Variants in GRAMD1B observed in about 807,000 individuals in gnomAD.
The protein encoded by GRAMD1B is GRAM domain containing 1B, also known as protein Aster-B.
A neutral mutation model predicts 99.7 loss-of-function variants in GRAMD1B; 37 were observed. The ratio of observed to expected loss-of-function variants is 0.37; its 90% CI spans 0.29 to 0.49. The LOEUF (loss-of-function observed/expected upper bound fraction) is 0.49, where lower values mean the gene tolerates loss of function less well. GRAMD1B is among the 20% of genes least tolerant of loss of function. The pLI is 0.98. For synonymous variants in GRAMD1B, 427 were observed against 387.6 expected (o/e 1.10, Z -1.19); for missense variants, 888 against 1,009.2 (o/e 0.88, Z 1.63).
At chr11:123,407,864 A>G (rs1284176843) in intron 1 of GRAMD1B, among the ~76,000 whole-genome samples, 1 of 152,208 alleles carries the variant, frequency 6.6e-6, no homozygotes, top group African/African-American at 2.4e-5. Flanking sequence ...TCAGCTCCCC[A>G]GGGGCTCACA....
chr11:123,416,220 G>C lies in GRAMD1B; in HGVS notation c.-176+57421G>C, dbSNP rs891367666. Reference sequence around the variant, plus strand: ...ACCAGTTGCTTCTCCTGTAATGAAAGGTGTAGAAAGATCCCCTGCTTGAAT... The same window carrying C: ...ACCAGTTGCTTCTCCTGTAATGAAACGTGTAGAAAGATCCCCTGCTTGAAT... On this transcript the variant is annotated intron_variant, in intron 1 of 20. Coordinates refer to the GRAMD1B transcript ENST00000638157. Among the ~76,000 whole-genome samples, 4 of 152,212 alleles carry C rather than the reference G, an allele frequency of 2.6e-5. No individual in the cohort carries two copies. In the East Asian group the frequency reaches 7.7e-4, roughly 29 times the overall value.
intron 7 of GRAMD1B, chr11:123,598,639 G>A (rs2136665645): frequency 2.3e-6 from 3 of 1,312,238 alleles, no homozygotes; most frequent in East Asian, 4.6e-5. Flanking sequence ...CCACATTTCA[G>A]TCCTAAAGCT....
chr11:123,358,815 C>A (rs544883525), intron 1 of GRAMD1B: 3 of 152,392 alleles, frequency 2.0e-5, no homozygotes, highest in African/African-American at 7.2e-5. Flanking sequence ...AACTTCCTGA[C>A]CTTCCTGAGC....
chr11:123,612,940 G>C (rs1953794480), intron 15 of GRAMD1B, 76 bp downstream of exon 15: 3 of 792,092 alleles, frequency 3.8e-6, no homozygotes, highest in Non-Finnish European at 6.4e-6. Flanking sequence ...CCATTCAGGG[G>C]AATGGTATTG....
At chr11:123,579,683 G>A (rs527372845) in intron 3 of GRAMD1B, among the ~76,000 whole-genome samples, 1 of 152,032 alleles carries the variant, frequency 6.6e-6, no homozygotes, top group Non-Finnish European at 1.5e-5. Flanking sequence ...GGCCTGACAG[G>A]GGCATCAGGC....
chr11:123,435,566 A>G (rs182848146), intron 1 of GRAMD1B: 2 of 661,780 alleles, frequency 3.0e-6, no homozygotes, highest in African/African-American at 1.8e-5. Context: ...CTAACTTTCC[A>G]GTGTTCACTG....
chr11:123,375,510 G>A (rs76705192), intron 1 of GRAMD1B, among the ~76,000 whole-genome samples: 1,768 of 152,286 alleles, frequency 0.012, 32 homozygotes, highest in African/African-American at 0.041. Flanking sequence ...GTACAAAAAA[G>A]CATAAGTTAC....
intron 11 of GRAMD1B, 56 bp from the exon 12 acceptor site, chr11:123,608,603 G>T: frequency 1.3e-6 from 2 of 1,558,234 alleles, no homozygotes; most frequent in Non-Finnish European, 1.7e-6. Flanking sequence ...GATGTCCCTG[G>T]GGCCCCCTCC....
intron 1 of GRAMD1B, among the ~76,000 whole-genome samples, chr11:123,422,221 G>A (rs1022202884): frequency 2.6e-5 from 4 of 152,204 alleles, no homozygotes; most frequent in Non-Finnish European, 5.9e-5. Flanking sequence ...GCGCAGTGCA[G>A]CAGGGTAGAG....
intron 2 of GRAMD1B, among the ~76,000 whole-genome samples, chr11:123,549,546 A>T (rs957369446): frequency 2.0e-5 from 3 of 152,100 alleles, no homozygotes; most frequent in Non-Finnish European, 2.9e-5. Flanking sequence ...AGTCTCAAAA[A>T]AAAAAGAATG....
chr11:123,426,971 C>T (rs1224250622), upstream of GRAMD1B, among the ~76,000 whole-genome samples: 1 of 152,178 alleles, frequency 6.6e-6, no homozygotes, highest in Non-Finnish European at 1.5e-5. Flanking sequence ...GTAATATGAC[C>T]TCCTTTCATT....
intron 1 of GRAMD1B, among the ~76,000 whole-genome samples, chr11:123,390,943 G>A (rs917876581): frequency 6.6e-6 from 1 of 152,142 alleles, no homozygotes; most frequent in Non-Finnish European, 1.5e-5. Context: ...ACTGAATGCA[G>A]CTTGCAACCC....
chr11:123,575,991 C>CA (rs1555080787), intron 2 of GRAMD1B, among the ~76,000 whole-genome samples: 2 of 151,526 alleles, frequency 1.3e-5, no homozygotes, highest in East Asian at 3.9e-4. Flanking sequence ...CTCTGGTCTC[C>CA]TTTTTTTTTC....
intron 1 of GRAMD1B, chr11:123,435,747 G>A (rs1313282491): frequency 1.5e-5 from 5 of 342,152 alleles, no homozygotes; most frequent in Non-Finnish European, 2.6e-5. Context: ...ATGAGTGTGG[G>A]AAAATTTCCA....
chr11:123,611,411 G>A (rs916455969), intron 14 of GRAMD1B, among the ~76,000 whole-genome samples: 6 of 152,146 alleles, frequency 3.9e-5, no homozygotes, highest in Non-Finnish European at 7.4e-5. Flanking sequence ...TCCAGCCTGG[G>A]AGACAGAGTA....
chr11:123,526,005 C>G, intron 2 of GRAMD1B: 1 of 684,752 alleles, frequency 1.5e-6, no homozygotes, highest in Non-Finnish European at 2.6e-6. Flanking sequence ...CTCCCTTTCT[C>G]TCTTTCTCTT....
chr11:123,483,169 G>A (rs1381481088), intron 2 of GRAMD1B, among the ~76,000 whole-genome samples: 1 of 152,118 alleles, frequency 6.6e-6, no homozygotes, highest in Non-Finnish European at 1.5e-5. Context: ...GGATAAGAAA[G>A]CACTCTTCCA....
chr11:123,586,406 G>A (rs987634085), intron 4 of GRAMD1B, among the ~76,000 whole-genome samples: 5 of 152,126 alleles, frequency 3.3e-5, no homozygotes, highest in African/African-American at 1.2e-4. Context: ...CTCATCCCAA[G>A]TGCATTACAG....
intron 1 of GRAMD1B, among the ~76,000 whole-genome samples, chr11:123,380,227 A>G (rs528314111): frequency 6.6e-6 from 1 of 152,324 alleles, no homozygotes; most frequent in South Asian, 2.1e-4. Context: ...TTTTGGTGTC[A>G]TAGCTAAGAA....
Sources: allele counts gnomAD v4.1 joint callset (sites outside exome capture counted in the v4.1 genomes callset), GRCh38; gene constraint gnomAD v4.1.1; transcripts MANE v1.5; gene names NCBI Gene and HGNC (gene_info 2026-07-23, HGNC 2026-07-21).